The following PPFIA1 variants were observed in gnomAD, a reference collection of about 807,000 sequenced individuals.
PPFIA1 encodes liprin-alpha-1.
A neutral mutation model predicts 149.9 loss-of-function variants in PPFIA1; 25 were observed. The ratio of observed to expected loss-of-function variants is 0.17; its 90% CI spans 0.12 to 0.23. PPFIA1 has a LOEUF of 0.23. Among genes scored for constraint, PPFIA1 ranks in the 10% least tolerant of loss-of-function variants. The probability of loss-of-function intolerance (pLI) is 1.00; values close to 1 mark genes in which losing one functional copy is unlikely to be tolerated. For synonymous variants in PPFIA1, 549 were observed against 552.8 expected (o/e 0.99, Z 0.10); for missense variants, 1,362 against 1,506.5 (o/e 0.90, Z 1.59).
intron 16 of PPFIA1, among the ~76,000 whole-genome samples, chr11:70,350,817 CTT>C (rs2056011637): frequency 6.6e-6 from 1 of 151,970 alleles, no homozygotes; most frequent in Non-Finnish European, 1.5e-5. Flanking sequence ...CCTTTAATAA[CTT>C]ATATTTAAAT....
chr11:70,324,838 T>G lies in PPFIA1; in HGVS notation c.367-9T>G. On this transcript the variant is annotated splice_polypyrimidine_tract_variant and intron_variant, in intron 3 of 27. Transcript: ENST00000253925. Reference sequence around the variant, plus strand: ...TTTAACAAGTCTTTATTTTGGCCTTTTATTTCAGCTGCTGTTAGAGCATTT... The same window carrying G: ...TTTAACAAGTCTTTATTTTGGCCTTGTATTTCAGCTGCTGTTAGAGCATTT... 6.4e-7 allele frequency: 1 copy of G among 1,556,942 alleles called. No homozygotes were observed. Among genetic ancestry groups the G allele is most frequent in the Non-Finnish European group, 8.7e-7 (1 of 1,151,170 alleles).
At chr11:70,300,793 A>C (rs1248388413) in intron 2 of PPFIA1, among the ~76,000 whole-genome samples, 1 of 152,188 alleles carries the variant, frequency 6.6e-6, no homozygotes, top group African/African-American at 2.4e-5. Flanking sequence ...TTGGCCTCCC[A>C]AAGTGCTGGG....
At chr11:70,375,207 AGAC>A in intron 24 of PPFIA1, 114 bp downstream of exon 24, 2 of 342,100 alleles carry the variant, frequency 5.8e-6, no homozygotes, top group Non-Finnish European at 4.3e-6. Flanking sequence ...AAAAAACTTC[AGAC>A]AACTAGTTTT....
At chr11:70,284,165 TA>T in intron 2 of PPFIA1, 1 of 420,926 alleles carries the variant, frequency 2.4e-6, no homozygotes. Context: ...TAAAACTAGC[TA>T]AATGACTCTT....
chr11:70,345,649 C>G (rs1009686721), intron 15 of PPFIA1, among the ~76,000 whole-genome samples: 1 of 151,858 alleles, frequency 6.6e-6, no homozygotes, highest in Non-Finnish European at 1.5e-5. Context: ...ATAGGAAGAC[C>G]TCATCTCTAC....
At position 70,374,996 on chromosome 11, in the gene PPFIA1, T is replaced by A. The variant is rs149188477; in HGVS notation, c.3218T>A (p.Ile1073Lys). 76 of 1,613,810 alleles carry A rather than the reference T, an allele frequency of 4.7e-5. No individual in the cohort carries two copies. Among genetic ancestry groups the A allele is most frequent in the Non-Finnish European group, 6.1e-5 (72 of 1,179,940 alleles). ...IGLKEYANNL[I>K]ESGVHGALLA... is the part of the protein sequence containing the mutation. ...CTTAAAGAATATGCAAACAATCTTATAGAGAGTGGTGTTCACGGAGCACTT... is the reference window on the plus strand; with the variant it reads ...CTTAAAGAATATGCAAACAATCTTAAAGAGAGTGGTGTTCACGGAGCACTT... Residue 1073 changes from isoleucine (I) to lysine (K), a missense_variant, in exon 24 of 28, where the codon ATA becomes AAA. Ile to Lys is a moderately radical substitution (Grantham distance 102). Transcript: ENST00000253925.
intron 2 of PPFIA1, among the ~76,000 whole-genome samples, chr11:70,318,751 G>A (rs2053774648): frequency 6.6e-6 from 1 of 152,228 alleles, no homozygotes; most frequent in Admixed American, 6.5e-5. Flanking sequence ...CGACCAACAA[G>A]CATCAGTCAG....
intron 2 of PPFIA1, among the ~76,000 whole-genome samples, chr11:70,307,912 C>A (rs534435203): frequency 1.3e-5 from 2 of 152,328 alleles, no homozygotes; most frequent in East Asian, 3.9e-4. Flanking sequence ...GGAAACAGAA[C>A]AAGACTTTGT....
At chr11:70,369,527 C>T (rs1198650603) in intron 21 of PPFIA1, among the ~76,000 whole-genome samples, 1 of 145,560 alleles carries the variant, frequency 6.9e-6, no homozygotes, top group Non-Finnish European at 1.5e-5. Flanking sequence ...CGTGTAGAAT[C>T]GTGGTTATTT....
chr11:70,343,937 C>CT (rs2055516044), intron 15 of PPFIA1, 45 bp downstream of exon 15: 1 of 1,504,794 alleles, frequency 6.6e-7, no homozygotes. Flanking sequence ...ATGGGTGTCT[C>CT]TGAGGAATCT....
chr11:70,376,944 G>C (rs1445055127), intron 25 of PPFIA1, among the ~76,000 whole-genome samples: 1 of 152,070 alleles, frequency 6.6e-6, no homozygotes, highest in African/African-American at 2.4e-5. Flanking sequence ...GTTGTGGTAG[G>C]TGCCTATAAT....
At chr11:70,277,060 A>ATATTTTT in intron 2 of PPFIA1, among the ~76,000 whole-genome samples, 1 of 66,324 alleles carries the variant, frequency 1.5e-5, no homozygotes, top group Admixed American at 2.1e-4. Flanking sequence ...ATATATATAT[A>ATATTTTT]TTTTTTTTTT....
At chr11:70,275,932 G>C (rs973325161) in intron 2 of PPFIA1, among the ~76,000 whole-genome samples, 10 of 152,134 alleles carry the variant, frequency 6.6e-5, no homozygotes, top group Non-Finnish European at 1.3e-4. Flanking sequence ...TTACCACTGT[G>C]AGCCACCACA....
chr11:70,365,289 C>A, intron 21 of PPFIA1: 1 of 427,606 alleles, frequency 2.3e-6, no homozygotes, highest in Non-Finnish European at 4.8e-6. Context: ...CTTCTCTGTG[C>A]CTGTGGCTTA....
chr11:70,271,591 C>A (rs1043455775), intron 1 of PPFIA1, among the ~76,000 whole-genome samples: 1 of 152,198 alleles, frequency 6.6e-6, no homozygotes, highest in South Asian at 2.1e-4. Context: ...AACACTTCTA[C>A]CAGCGTTTAA....
At chr11:70,328,660 C>T (rs1324024258) in intron 7 of PPFIA1, among the ~76,000 whole-genome samples, 2 of 151,850 alleles carry the variant, frequency 1.3e-5, no homozygotes, top group Non-Finnish European at 2.9e-5. Context: ...CACTGTCTTC[C>T]ACGATGGTTG....
chr11:70,340,964 C>G (rs4623929), intron 14 of PPFIA1: 13 of 336,108 alleles, frequency 3.9e-5, no homozygotes, highest in East Asian at 3.7e-4. Context: ...GCAAGCAGCC[C>G]GTACTCTAGG....
chr11:70,344,840 C>T (rs2137153292), intron 15 of PPFIA1, among the ~76,000 whole-genome samples: 1 of 152,194 alleles, frequency 6.6e-6, no homozygotes, highest in East Asian at 1.9e-4. Flanking sequence ...TGGTGTAGAA[C>T]AAATTACTAC....
At chr11:70,300,904 GA>G (rs1439349914) in intron 2 of PPFIA1, among the ~76,000 whole-genome samples, 1 of 152,206 alleles carries the variant, frequency 6.6e-6, no homozygotes, top group African/African-American at 2.4e-5. Flanking sequence ...GATAAGCCAT[GA>G]GGGGGCAAAA....
Sources: allele counts gnomAD v4.1 joint callset (sites outside exome capture counted in the v4.1 genomes callset), GRCh38; gene constraint gnomAD v4.1.1; transcripts MANE v1.5; gene names NCBI Gene and HGNC (gene_info 2026-07-23, HGNC 2026-07-21).